CTTNBP2: variants seen among roughly 807,000 people sequenced by gnomAD.
CTTNBP2 encodes the protein cortactin-binding protein 2.
A neutral mutation model predicts 156.9 loss-of-function variants in CTTNBP2; 108 were observed. That is an observed-to-expected ratio of 0.69 (90% CI 0.59 to 0.81). The LOEUF is 0.81. Ranked by LOEUF, CTTNBP2 falls within the 30% of genes least tolerant of loss-of-function variation. The probability of loss-of-function intolerance (pLI) is 0.00; values close to 1 mark genes in which losing one functional copy is unlikely to be tolerated. For synonymous variants in CTTNBP2, 767 were observed against 751.8 expected, an observed-to-expected ratio of 1.02 and a Z score of -0.33; for missense variants, 1,924 against 2,035.4, an observed-to-expected ratio of 0.95 and a Z score of 1.05.
chr7:117,724,610 G>T lies in CTTNBP2; in HGVS notation c.4384C>A (p.Pro1462Thr). Residue 1462 changes from proline to threonine, a missense_variant, in exon 19 of 23, where the codon CCT (proline) becomes ACT (threonine). Physicochemically the swap from Pro to Thr is conservative, Grantham distance 38 (BLOSUM62 -1). Coordinates refer to ENST00000160373, the MANE Select transcript of CTTNBP2 (RefSeq NM_033427.3). Reference protein sequence around the residue: ...SGAWRKVNTSPRRKSGRFSLP... With the variant: ...SGAWRKVNTSTRRKSGRFSLP... ...GAGAAGCGGCCAGACTTCCTGCGAG[G>T]ACTGGTGTTCACCTTTCTCCAGGCA... 6.2e-7 allele frequency: 1 copy of T among 1,614,126 alleles called. No homozygotes were observed. Among genetic ancestry groups the T allele is most frequent in the Non-Finnish European group, 8.5e-7 (1 of 1,180,022 alleles).
chr7:117,861,354 T>G, intron 1 of CTTNBP2, 38 bp from the exon 2 acceptor site: 1 of 1,441,956 alleles, frequency 6.9e-7, no homozygotes, highest in Non-Finnish European at 9.6e-7. Flanking sequence ...GAAAAATCTT[T>G]TCCTAAGGAA....
chr7:117,761,498 T>G (rs1027756095), intron 9 of CTTNBP2, among the ~76,000 whole-genome samples: 1 of 152,232 alleles, frequency 6.6e-6, no homozygotes, highest in African/African-American at 2.4e-5. Flanking sequence ...TTCATTGAAC[T>G]GATGACTATA....
chr7:117,780,441 T>C lies in CTTNBP2; in HGVS notation c.2523A>G (p.Thr841=). ...EAGTNRSVKT[T]DGWTPVHAAV... is the part of the protein sequence containing the mutation. Reference sequence around the variant, plus strand: ...GGGAAAAAAACAGACTGCTACTCACTGTGGTTTTTACACTTCGATTGGTTC... The same window carrying C: ...GGGAAAAAAACAGACTGCTACTCACCGTGGTTTTTACACTTCGATTGGTTC... Residue 841 remains threonine (T), a splice_region_variant and synonymous_variant, in exon 7 of 23, where the codon ACA becomes ACG. Transcript: ENST00000160373. The C allele has an allele frequency of 6.4e-7, 1 of 1,555,144 alleles. No homozygotes were observed. Among genetic ancestry groups the C allele is most frequent in the Non-Finnish European group, 8.7e-7 (1 of 1,155,450 alleles).
chr7:117,844,500 A>G (rs1006821359), intron 2 of CTTNBP2, among the ~76,000 whole-genome samples: 2 of 152,216 alleles, frequency 1.3e-5, no homozygotes, highest in Admixed American at 6.5e-5. Context: ...TACAAAAATG[A>G]GTGATTTTTG....
intron 2 of CTTNBP2, among the ~76,000 whole-genome samples, chr7:117,840,922 C>T (rs1051906993): frequency 6.6e-6 from 1 of 152,084 alleles, no homozygotes; most frequent in Non-Finnish European, 1.5e-5. Flanking sequence ...AGTCTCAGGA[C>T]CCCTTAATGC....
Position 117,780,439 on chromosome 7 carries a change from A to C in CTTNBP2, c.2523+2T>G. 6.4e-7 allele frequency: 1 copy of C among 1,552,470 alleles called. No homozygotes were observed. Among genetic ancestry groups the C allele is most frequent in the Non-Finnish European group, 8.7e-7 (1 of 1,154,084 alleles). On this transcript the variant is annotated splice_donor_variant, in intron 7 of 22. Transcript: ENST00000160373. LOFTEE classifies it high-confidence loss of function. ...GGGGGAAAAAAACAGACTGCTACTCACTGTGGTTTTTACACTTCGATTGGT... is the reference window on the plus strand; with the variant it reads ...GGGGGAAAAAAACAGACTGCTACTCCCTGTGGTTTTTACACTTCGATTGGT...
chr7:117,780,826 A>C (rs1798392072), intron 6 of CTTNBP2, among the ~76,000 whole-genome samples: 2 of 152,222 alleles, frequency 1.3e-5, no homozygotes, highest in Non-Finnish European at 2.9e-5. Flanking sequence ...AATTTTGAAA[A>C]GTGCTAATAC....
chr7:117,726,487 G>A (rs577810516), intron 17 of CTTNBP2, among the ~76,000 whole-genome samples: 18 of 151,664 alleles, frequency 1.2e-4, no homozygotes, highest in East Asian at 1.9e-4. Flanking sequence ...AGCTGTGGTC[G>A]GAAAAAAAAA....
At chr7:117,829,607 G>T (rs568570107) in intron 2 of CTTNBP2, among the ~76,000 whole-genome samples, 1 of 152,148 alleles carries the variant, frequency 6.6e-6, no homozygotes, top group Non-Finnish European at 1.5e-5. Context: ...ATATGCTCAC[G>T]CCCTATTCCT....
rs759797673 is a variant in CTTNBP2, at chr7:117,802,437, CAAAAAAAAAAAA to C, written c.414+8316_414+8327del. ...ATACCATTCTAGACTTCAGCATTGG[CAAAAAAAAAAAA>C]AAAAAAAACAAAAACAAACAAACAA... On this transcript the variant is annotated intron_variant, in intron 3 of 22. Transcript: ENST00000160373. Among the ~76,000 whole-genome samples, 360 of 83,784 alleles carry C rather than the reference CAAAAAAAAAAAA, an allele frequency of 4.3e-3. 4 individuals carry two copies. Among genetic ancestry groups the C allele is most frequent in the African/African-American group, 0.011 (341 of 31,640 alleles). The allele number at this position is 83,784 out of a possible 152,430, so 55.0% of individuals were successfully genotyped here.
chr7:117,756,583 A>C lies in CTTNBP2; in HGVS notation c.3320T>G (p.Leu1107Arg). 1.9e-6 allele frequency: 3 copies of C among 1,613,826 alleles called. No individual in the cohort carries two copies. The highest frequency in any genetic ancestry group is 1.7e-5 in the Admixed American group (1 of 60,016). Reference sequence around the variant, plus strand: ...CCTGAGGTAGTTCTGCATCATCTGGAGAGGGATCATGGAGGCATAAGTCAC... The same window carrying C: ...CCTGAGGTAGTTCTGCATCATCTGGCGAGGGATCATGGAGGCATAAGTCAC... Reference protein sequence around the residue: ...SSVTYASMIPLQMMQNYLRLV... With the variant: ...SSVTYASMIPRQMMQNYLRLV... The change falls in exon 12 of 23, where the codon CTC becomes CGC. Residue 1107 changes from leucine (L) to arginine (R), a missense_variant. Coordinates refer to ENST00000160373, the MANE Select transcript of CTTNBP2 (RefSeq NM_033427.3).
chr7:117,840,537 C>A (rs1802208672), intron 2 of CTTNBP2, among the ~76,000 whole-genome samples: 1 of 152,214 alleles, frequency 6.6e-6, no homozygotes, highest in Non-Finnish European at 1.5e-5. Flanking sequence ...TTAACAACAA[C>A]AACAAAAATT....
intron 8 of CTTNBP2, among the ~76,000 whole-genome samples, chr7:117,767,760 C>T (rs890566820): frequency 1.3e-5 from 2 of 152,142 alleles, no homozygotes; most frequent in African/African-American, 4.8e-5. Flanking sequence ...AGTTATGCTA[C>T]CTTTCCTTTT....
At chr7:117,842,082 C>G (rs1563059715) in intron 2 of CTTNBP2, among the ~76,000 whole-genome samples, 1 of 152,152 alleles carries the variant, frequency 6.6e-6, no homozygotes, top group Non-Finnish European at 1.5e-5. Context: ...TAACTACTAA[C>G]CACTGTACAT....
At chr7:117,845,124 G>T (rs1367798263) in intron 2 of CTTNBP2, among the ~76,000 whole-genome samples, 2 of 151,990 alleles carry the variant, frequency 1.3e-5, no homozygotes, top group Non-Finnish European at 2.9e-5. Flanking sequence ...GGTAGGCAGA[G>T]AATTTAATTT....
chr7:117,735,138 AGTTAT>A (rs1216683150), intron 15 of CTTNBP2, 38 bp from the exon 16 acceptor site: 2 of 1,601,226 alleles, frequency 1.2e-6, no homozygotes, highest in Non-Finnish European at 1.7e-6. Flanking sequence ...ATCCTCAGTG[AGTTAT>A]GTTATGGGAC....
At chr7:117,838,489 C>A (rs1369859529) in intron 2 of CTTNBP2, among the ~76,000 whole-genome samples, 2 of 152,004 alleles carry the variant, frequency 1.3e-5, no homozygotes, top group African/African-American at 4.8e-5. Flanking sequence ...CTATTTGTTA[C>A]TATAAAGAAA....
chr7:117,799,010 ATTTT>A (rs956288196), intron 3 of CTTNBP2, among the ~76,000 whole-genome samples: 3 of 151,830 alleles, frequency 2.0e-5, no homozygotes, highest in Non-Finnish European at 4.4e-5. Context: ...ATGGCTTTAT[ATTTT>A]TTTAACAGAA....
chr7:117,712,692 G>A (rs560826679), intron 22 of CTTNBP2, among the ~76,000 whole-genome samples: 34 of 152,072 alleles, frequency 2.2e-4, no homozygotes, highest in Non-Finnish European at 7.4e-5. Context: ...TGGCAGTTGC[G>A]GCAGTTGCAT....
Sources: allele counts gnomAD v4.1 joint callset (sites outside exome capture counted in the v4.1 genomes callset), GRCh38; gene constraint gnomAD v4.1.1; transcripts MANE v1.5; gene names NCBI Gene and HGNC (gene_info 2026-07-23, HGNC 2026-07-21).